Variants in CPEB1 observed in about 807,000 individuals in gnomAD.
CPEB1 encodes cytoplasmic polyadenylation element-binding protein 1.
A neutral mutation model predicts 65.8 loss-of-function variants in CPEB1; 7 were observed. That is an observed-to-expected ratio of 0.11 (90% CI 0.06 to 0.20). CPEB1 has a LOEUF of 0.20. Ranked by LOEUF, CPEB1 falls within the 10% of genes least tolerant of loss-of-function variation. The pLI is 1.00. For synonymous variants in CPEB1, 262 were observed against 260.0 expected (o/e 1.01, Z -0.08); for missense variants, 551 against 712.2 (o/e 0.77, Z 2.58).
At chr15:82,603,996 G>C (rs971939676) in intron 3 of CPEB1, among the ~76,000 whole-genome samples, 1 of 152,196 alleles carries the variant, frequency 6.6e-6, no homozygotes, top group African/African-American at 2.4e-5. Flanking sequence ...CCCTGACAAA[G>C]GGCAGACATT....
chr15:82,572,442 A>G (rs1386230656), intron 3 of CPEB1, among the ~76,000 whole-genome samples: 1 of 152,142 alleles, frequency 6.6e-6, no homozygotes, highest in Non-Finnish European at 1.5e-5. Flanking sequence ...CTCAAAGGAC[A>G]TGGCCCACAA....
intron 3 of CPEB1, among the ~76,000 whole-genome samples, chr15:82,603,890 A>C (rs2043329695): frequency 1.3e-5 from 2 of 152,350 alleles, no homozygotes; most frequent in South Asian, 4.1e-4. Context: ...GACTTGCTAC[A>C]TTATTTCCAA....
intron 1 of CPEB1, chr15:82,638,569 T>C (rs926057657): frequency 6.6e-6 from 1 of 152,208 alleles, no homozygotes; most frequent in Non-Finnish European, 1.5e-5. Context: ...ACTTACTTGG[T>C]TGATTTTCAA....
intron 3 of CPEB1, 31 bp downstream of exon 3, chr15:82,627,162 T>C: frequency 6.3e-7 from 1 of 1,591,564 alleles, no homozygotes; most frequent in Non-Finnish European, 8.6e-7. Flanking sequence ...TACAGATGCC[T>C]ACCACGTTCA....
chr15:82,564,827 C>T (rs972895792), intron 4 of CPEB1, among the ~76,000 whole-genome samples: 1 of 152,090 alleles, frequency 6.6e-6, no homozygotes, highest in African/African-American at 2.4e-5. Context: ...TCAACCCTCC[C>T]CAGACTCTAC....
At chr15:82,628,014 C>G (rs2045918808) in intron 2 of CPEB1, 2 of 576,464 alleles carry the variant, frequency 3.5e-6, no homozygotes, top group Non-Finnish European at 6.1e-6. Context: ...AGTCAGCCTC[C>G]AGATCAAGGG....
At chr15:82,587,166 A>G (rs1003624361) in intron 3 of CPEB1, among the ~76,000 whole-genome samples, 13 of 152,212 alleles carry the variant, frequency 8.5e-5, no homozygotes, top group Admixed American at 3.3e-4. Flanking sequence ...ACAATATTCA[A>G]TGGTGATGAG....
intron 3 of CPEB1, among the ~76,000 whole-genome samples, chr15:82,625,010 T>C (rs1202498785): frequency 6.6e-6 from 1 of 152,144 alleles, no homozygotes; most frequent in Non-Finnish European, 1.5e-5. Context: ...ATTTTTCTAT[T>C]TTTTTGTAAA....
chr15:82,562,215 CTTT>C (rs1445444544), intron 4 of CPEB1: 1 of 454,068 alleles, frequency 2.2e-6, no homozygotes, highest in Non-Finnish European at 4.4e-6. Flanking sequence ...TTCCTCAGCA[CTTT>C]TCCTTTGTCT....
At chr15:82,601,109 T>G (rs1026242441) in intron 3 of CPEB1, among the ~76,000 whole-genome samples, 4 of 150,802 alleles carry the variant, frequency 2.7e-5, no homozygotes, top group Non-Finnish European at 5.9e-5. Context: ...TTTCGTCACG[T>G]TGGTCAGGCT....
At chr15:82,639,967 G>A (rs1216672874) in intron 1 of CPEB1, among the ~76,000 whole-genome samples, 2 of 152,056 alleles carry the variant, frequency 1.3e-5, no homozygotes, top group African/African-American at 2.4e-5. Context: ...TAACTCTCCC[G>A]GGAAAAGAAC....
chr15:82,629,633 T>G (rs1402084531), intron 1 of CPEB1: 11 of 982,616 alleles, frequency 1.1e-5, no homozygotes, highest in Non-Finnish European at 1.2e-5. Flanking sequence ...AAATATTGGT[T>G]GACAGATTGA....
chr15:82,594,755 GA>G (rs2042547551), intron 3 of CPEB1, among the ~76,000 whole-genome samples: 1 of 152,144 alleles, frequency 6.6e-6, no homozygotes, highest in African/African-American at 2.4e-5. Flanking sequence ...GATGTAAACT[GA>G]GACACATGTG....
chr15:82,642,342 C>T (rs1049607869), intron 1 of CPEB1, among the ~76,000 whole-genome samples: 1 of 152,104 alleles, frequency 6.6e-6, no homozygotes, highest in Admixed American at 6.5e-5. Flanking sequence ...TGGCTTGAGC[C>T]GAGGATAAGC....
intron 3 of CPEB1, among the ~76,000 whole-genome samples, chr15:82,605,065 T>G (rs938550272): frequency 2.0e-5 from 3 of 152,126 alleles, no homozygotes; most frequent in Non-Finnish European, 2.9e-5. Context: ...TTACCAGAAA[T>G]TGTGGAGCCA....
rs775717963 is a variant in CPEB1, at chr15:82,553,963, A to C, written c.969T>G (p.Ser323Arg). Residue 323 changes from serine (S) to arginine (R), a missense_variant, in exon 7 of 13, where the codon AGT (serine) becomes AGG (arginine). Ser to Arg is a moderately radical substitution (Grantham distance 110, BLOSUM62 -1). Around this residue, in one of 6 missense-constraint regions of CPEB1, gnomAD observed 128 missense variants for 129.1 expected, o/e 0.99. Transcript: ENST00000684509. ...AAVNEATCTW[S>R]GQLPPRNYKN... ...TATAGTTCCGGGGAGGAAGCTGGCC[A>C]CTCCAGGTACAGGTGGCTTCATTCA... The C allele has an allele frequency of 6.8e-6, 11 of 1,610,500 alleles. No homozygotes were observed. Among genetic ancestry groups the C allele is most frequent in the Non-Finnish European group, 9.3e-6 (11 of 1,178,796 alleles).
intron 4 of CPEB1, among the ~76,000 whole-genome samples, chr15:82,564,452 A>G (rs1401463944): frequency 1.3e-5 from 2 of 149,620 alleles, no homozygotes; most frequent in Non-Finnish European, 2.9e-5. Context: ...CACCCGGCTA[A>G]TTTTGTGTGT....
At chr15:82,559,725 TA>T (rs1035512130) in intron 4 of CPEB1, among the ~76,000 whole-genome samples, 1 of 152,202 alleles carries the variant, frequency 6.6e-6, no homozygotes, top group African/African-American at 2.4e-5. Context: ...AACTGTATGC[TA>T]AAACTAAGTG....
intron 3 of CPEB1, among the ~76,000 whole-genome samples, chr15:82,577,327 G>A (rs2040763018): frequency 6.6e-6 from 1 of 152,056 alleles, no homozygotes; most frequent in Non-Finnish European, 1.5e-5. Flanking sequence ...TCAAAGTGCT[G>A]GGATTACATG....
Sources: gnomAD v4.1 joint callset for allele counts (sites outside exome capture counted in the v4.1 genomes callset) on GRCh38, gnomAD v4.1.1 for gene constraint, gnomAD v4.1.1 regional missense constraint, MANE v1.5 for transcripts, NCBI Gene and HGNC (gene_info 2026-07-23, HGNC 2026-07-21) for gene names.